The following GPC6 variants were observed in gnomAD, a reference collection of about 807,000 sequenced individuals.
The protein encoded by GPC6 is glypican 6.
A neutral mutation model predicts 55.2 loss-of-function variants in GPC6; 14 were observed. That is an observed-to-expected ratio of 0.25 (90% CI 0.17 to 0.40). The LOEUF (loss-of-function observed/expected upper bound fraction) is 0.40, where lower values mean the gene tolerates loss of function less well. GPC6 is among the 10% of genes least tolerant of loss of function. GPC6 has a pLI of 1.00. For synonymous variants in GPC6, 278 were observed against 259.6 expected, an observed-to-expected ratio of 1.07 and a Z score of -0.68; for missense variants, 641 against 708.5, an observed-to-expected ratio of 0.90 and a Z score of 1.08.
At chr13:93,930,275 G>GTTTTTTTTTTTTTGT (rs1878097701) in intron 3 of GPC6, among the ~76,000 whole-genome samples, 3 of 123,826 alleles carry the variant, frequency 2.4e-5, no homozygotes, top group Admixed American at 1.8e-4. Context: ...GAAACGAAAG[G>GTTTTTTTTTTTTTGT]TTTTTTTTTT....
intron 4 of GPC6, among the ~76,000 whole-genome samples, chr13:94,088,816 C>G (rs1207237383): frequency 6.6e-6 from 1 of 152,116 alleles, no homozygotes; most frequent in African/African-American, 2.4e-5. Flanking sequence ...CCAGAAAGCT[C>G]TACTCATTGA....
At chr13:93,570,452 T>C (rs756138746) in intron 2 of GPC6, among the ~76,000 whole-genome samples, 2 of 152,160 alleles carry the variant, frequency 1.3e-5, no homozygotes, top group Admixed American at 6.6e-5. Context: ...TATGCAGAGT[T>C]ATTTTATCGA....
At chr13:93,454,835 G>T (rs561528526) in intron 1 of GPC6, among the ~76,000 whole-genome samples, 1 of 152,240 alleles carries the variant, frequency 6.6e-6, no homozygotes, top group East Asian at 1.9e-4. Context: ...CCTGGAGCAG[G>T]GGGTGGAGCT....
At chr13:93,445,606 A>G (rs1447951175) in intron 1 of GPC6, among the ~76,000 whole-genome samples, 2 of 152,196 alleles carry the variant, frequency 1.3e-5, no homozygotes, top group African/African-American at 4.8e-5. Context: ...TGCTTTCACC[A>G]TGTTCCTACC....
chr13:93,993,116 G>T (rs1881383836), intron 3 of GPC6, among the ~76,000 whole-genome samples: 1 of 152,084 alleles, frequency 6.6e-6, no homozygotes, highest in East Asian at 1.9e-4. Flanking sequence ...GCTTTCAAAT[G>T]CTAAGTCTGA....
chr13:94,055,182 C>T (rs1222035173), intron 4 of GPC6, among the ~76,000 whole-genome samples: 3 of 152,158 alleles, frequency 2.0e-5, no homozygotes, highest in Non-Finnish European at 4.4e-5. Context: ...AGCGAAGACC[C>T]TGAGGGAGCT....
chr13:93,252,746 A>C (rs898545889), intron 1 of GPC6, among the ~76,000 whole-genome samples: 4 of 152,230 alleles, frequency 2.6e-5, no homozygotes, highest in African/African-American at 9.6e-5. Context: ...GTGCTTGAAC[A>C]CAGTAGGTAC....
chr13:93,409,790 A>G (rs1389652770), intron 1 of GPC6, among the ~76,000 whole-genome samples: 2 of 152,238 alleles, frequency 1.3e-5, no homozygotes, highest in African/African-American at 4.8e-5. Flanking sequence ...AGGGGCGGGA[A>G]TAATCAAAGG....
chr13:93,263,896 A>G (rs1877236000), intron 1 of GPC6, among the ~76,000 whole-genome samples: 1 of 152,214 alleles, frequency 6.6e-6, no homozygotes, highest in African/African-American at 2.4e-5. Flanking sequence ...ACATTGCCAC[A>G]TATTTCTCTC....
intron 1 of GPC6, among the ~76,000 whole-genome samples, chr13:93,295,788 A>G (rs1044677595): frequency 3.9e-5 from 6 of 152,142 alleles, no homozygotes; most frequent in Middle Eastern, 3.2e-3. Context: ...GGCTCACTGC[A>G]ACCTATGCCT....
intron 1 of GPC6, among the ~76,000 whole-genome samples, chr13:93,335,864 C>T (rs563011967): frequency 2.6e-5 from 4 of 152,284 alleles, no homozygotes; most frequent in Admixed American, 2.6e-4. Flanking sequence ...GATTACTTAT[C>T]AGCAAACAAA....
In GPC6 at chr13:93,773,456, A is replaced by AT. The variant is rs35286272; in HGVS notation, c.320-56688dup. On this transcript the variant is annotated intron_variant, in intron 2 of 8. Transcript: ENST00000377047. ...TCTATTCAGCTTCAGTATGCAGCTG[A>AT]TTTTTTTTTTGATGTAGCTTACGTA... Among the ~76,000 whole-genome samples the AT allele has an allele frequency of 2.0e-3, 301 of 149,454 alleles. 1 individual carries two copies. Among genetic ancestry groups the AT allele is most frequent in the Non-Finnish European group, 2.6e-3 (176 of 67,122 alleles).
At chr13:93,518,388 A>G (rs1309506198) in intron 1 of GPC6, among the ~76,000 whole-genome samples, 2 of 151,664 alleles carry the variant, frequency 1.3e-5, no homozygotes, top group Non-Finnish European at 2.9e-5. Flanking sequence ...TTGCTTCTCC[A>G]CTTTTCCAAT....
intron 4 of GPC6, among the ~76,000 whole-genome samples, chr13:94,031,041 C>A (rs542511818): frequency 6.7e-6 from 1 of 149,488 alleles, no homozygotes; most frequent in Non-Finnish European, 1.5e-5. Context: ...TGCGTGTGTG[C>A]GTTTGTGCGT....
intron 3 of GPC6, among the ~76,000 whole-genome samples, chr13:93,955,626 A>G (rs933704314): frequency 4.4e-4 from 67 of 152,280 alleles, no homozygotes; most frequent in African/African-American, 1.6e-3. Flanking sequence ...AGCATCTCCT[A>G]CACAAGCAAG....
chr13:94,230,084 T>A (rs1188508940), intron 4 of GPC6, among the ~76,000 whole-genome samples: 2 of 152,128 alleles, frequency 1.3e-5, no homozygotes, highest in Admixed American at 1.3e-4. Flanking sequence ...TGGGGCAGAT[T>A]ATTTAGTTTG....
At chr13:94,326,701 G>T (rs891895959) in intron 6 of GPC6, among the ~76,000 whole-genome samples, 46 of 152,198 alleles carry the variant, frequency 3.0e-4, no homozygotes, top group African/African-American at 1.1e-3. Context: ...GAATTCTATG[G>T]CCTACATGTT....
At chr13:93,350,828 G>A (rs1880605414) in intron 1 of GPC6, among the ~76,000 whole-genome samples, 1 of 152,122 alleles carries the variant, frequency 6.6e-6, no homozygotes, top group Non-Finnish European at 1.5e-5. Flanking sequence ...ATTGATGTTG[G>A]TCTATCCCTT....
chr13:93,261,991 A>C (rs1217050750), intron 1 of GPC6, among the ~76,000 whole-genome samples: 1 of 151,036 alleles, frequency 6.6e-6, no homozygotes, highest in Non-Finnish European at 1.5e-5. Flanking sequence ...ATATTTTGTT[A>C]ATGTGAAGTC....
Sources: allele counts gnomAD v4.1 joint callset (sites outside exome capture counted in the v4.1 genomes callset), GRCh38; gene constraint gnomAD v4.1.1; transcripts MANE v1.5; gene names NCBI Gene and HGNC (gene_info 2026-07-23, HGNC 2026-07-21).